ZNF214: variants seen among roughly 807,000 people sequenced by gnomAD.
ZNF214 encodes the protein zinc finger protein 214.
A neutral mutation model predicts 53.9 loss-of-function variants in ZNF214; 43 were observed. The observed-to-expected ratio is 0.80, with a 90% CI of 0.63 to 1.03. The LOEUF (loss-of-function observed/expected upper bound fraction) is 1.03. Among genes scored for constraint, ZNF214 ranks in the 50% least tolerant of loss-of-function variants. ZNF214 has a pLI of 0.00. For synonymous variants in ZNF214, 217 were observed against 229.5 expected (o/e 0.95, Z 0.49); for missense variants, 724 against 719.1 (o/e 1.01, Z -0.08).
chr11:7,001,742 T>G (rs1473234888), intron 2 of ZNF214, among the ~76,000 whole-genome samples, 187 bp from the exon 3 acceptor site: 1 of 152,010 alleles, frequency 6.6e-6, no homozygotes, highest in Non-Finnish European at 1.5e-5. Context: ...ATGTATGTAT[T>G]CATTCATTCA....
chr11:7,016,754 A>G (rs926286695), intron 1 of ZNF214, among the ~76,000 whole-genome samples: 15 of 152,168 alleles, frequency 9.9e-5, no homozygotes, highest in Non-Finnish European at 1.6e-4. Context: ...AGGAAGTAAA[A>G]AGAATGTTTA....
rs773221575 is a variant in ZNF214 at position 7,001,346 on chromosome 11, C to G, written c.337G>C (p.Val113Leu). 4 of 1,613,214 alleles carry G rather than the reference C, an allele frequency of 2.5e-6. No homozygotes were observed. The highest frequency in any genetic ancestry group is 2.2e-5 in the East Asian group (1 of 44,856). The change falls in exon 3 of 3, where the codon GTA becomes CTA. Residue 113 changes from valine to leucine, a missense_variant. Coordinates refer to ENST00000278314, the MANE Select transcript of ZNF214 (RefSeq NM_013249.4). ...CQEWLILSTQ[V>L]PGYGNYELTF... is the part of the protein sequence containing the mutation. ...AGTTCATAGTTCCCATACCCTGGTA[C>G]TTGTGTGGAGAGTATTAACCATTCC... is the stretch of plus-strand genomic sequence containing the variant.
intron 1 of ZNF214, among the ~76,000 whole-genome samples, chr11:7,017,425 T>C (rs952282786): frequency 6.6e-6 from 1 of 152,206 alleles, no homozygotes; most frequent in Admixed American, 6.5e-5. Context: ...AGAATATTTA[T>C]TATAAGATAT....
chr11:7,002,991 C>G, intron 1 of ZNF214, 136 bp from the exon 2 acceptor site: 1 of 712,432 alleles, frequency 1.4e-6, no homozygotes, highest in Non-Finnish European at 2.1e-6. Context: ...GAGGTAATAA[C>G]AATAGTAGTT....
rs913488168 is a variant in ZNF214, at chr11:6,997,764, G to C, written c.*2098C>G. 4.6e-5 allele frequency among the ~76,000 whole-genome samples: 7 copies of C among 151,814 alleles called. No individual in the cohort carries two copies. Among genetic ancestry groups the C allele is most frequent in the African/African-American group, 1.4e-4 (6 of 41,388 alleles). On this transcript the variant is annotated 3_prime_UTR_variant, in exon 3 of 3. Coordinates refer to ENST00000278314, the MANE Select transcript of ZNF214 (RefSeq NM_013249.4). ...AATTTCAAATGTATGAAATTTTAGT[G>C]TAAGTCCCATGCAATATTTGGGACA...
At position 7,000,886 on chromosome 11, in the gene ZNF214, GGA is replaced by G. The variant is rs1851325293; in HGVS notation, c.795_796del (p.Pro266LysfsTer6). ...CAGCTTCTTACCTATGTGGTTTCTT[GGA>G]TGTCTATACAAGTCTGATCTCTGAG... On this transcript the variant is annotated frameshift_variant, in exon 3 of 3. Transcript: ENST00000278314. LOFTEE classifies it high-confidence loss of function. 2 of 1,613,094 alleles carry G rather than the reference GGA, an allele frequency of 1.2e-6. No individual in the cohort carries two copies. The highest frequency in any genetic ancestry group is 4.5e-5 in the East Asian group (2 of 44,854).
rs142038859 is a variant in ZNF214, at chr11:7,000,289, G to A, written c.1394C>T (p.Thr465Ile). ...AGGACAAGTATAGGGTTTCTCCCCT[G>A]TATGGACTCTCTGATGAATGCGAAG... ...SDLRIHQRVHTGEKPYTCPEC... is the reference protein window; with the variant it reads ...SDLRIHQRVHIGEKPYTCPEC... The change falls in exon 3 of 3, where the codon ACA becomes ATA. Residue 465 changes from threonine to isoleucine, a missense_variant. Transcript: ENST00000278314. 5 of 1,613,306 alleles carry A rather than the reference G, an allele frequency of 3.1e-6. No homozygotes were observed. The highest frequency in any genetic ancestry group is 3.3e-5 in the Admixed American group (2 of 59,870).
intron 1 of ZNF214, among the ~76,000 whole-genome samples, chr11:7,017,447 A>T (rs1178577379): frequency 6.6e-6 from 1 of 152,216 alleles, no homozygotes; most frequent in Non-Finnish European, 1.5e-5. Flanking sequence ...TATAACAACA[A>T]CATATTGGGA....
chr11:7,003,290 A>T (rs1308273357), intron 1 of ZNF214, among the ~76,000 whole-genome samples: 3 of 152,024 alleles, frequency 2.0e-5, no homozygotes, highest in Non-Finnish European at 2.9e-5. Context: ...ATTTGATCAC[A>T]CATTCTCAAT....
In ZNF214 at chr11:6,998,053, ACT is replaced by A. The variant is rs1199696916; in HGVS notation, c.*1807_*1808del. On this transcript the variant is annotated 3_prime_UTR_variant, in exon 3 of 3. Coordinates refer to ENST00000278314, the MANE Select transcript of ZNF214 (RefSeq NM_013249.4). The stretch of plus-strand genomic sequence containing the variant: ...TCTCTTTAAGGCACATATACGCTAC[ACT>A]GTTTTCTTGCTTATCAAAAATATTT... Among the ~76,000 whole-genome samples, 4 of 151,932 alleles carry A rather than the reference ACT, an allele frequency of 2.6e-5. No homozygotes were observed. The highest frequency in any genetic ancestry group is 4.2e-4 in the South Asian group (2 of 4,810).
rs1851222750 is a variant in ZNF214 at position 6,997,805 on chromosome 11, A to T, written c.*2057T>A. Among the ~76,000 whole-genome samples the T allele has an allele frequency of 6.6e-6, 1 of 151,876 alleles. No homozygotes were observed. The highest frequency in any genetic ancestry group is 2.4e-5 in the African/African-American group (1 of 41,404). ...ATTTGGGACACCCTTATACTAAAAC[A>T]ATTATTCTTTGCTTATATGAAATTC... On this transcript the variant is annotated 3_prime_UTR_variant, in exon 3 of 3. Coordinates refer to ENST00000278314, the MANE Select transcript of ZNF214 (RefSeq NM_013249.4).
chr11:7,006,873 A>G (rs1346604875), intron 1 of ZNF214, among the ~76,000 whole-genome samples: 21 of 151,970 alleles, frequency 1.4e-4, no homozygotes, highest in Non-Finnish European at 4.4e-5. Context: ...ACACTTACCT[A>G]TTTTTCTAAT....
rs539498688 is a variant in ZNF214, at chr11:7,001,298, T to C, written c.385A>G (p.Arg129Gly). 18 of 1,613,280 alleles carry C rather than the reference T, an allele frequency of 1.1e-5. No individual in the cohort carries two copies. In the South Asian group the frequency reaches 2.0e-4, roughly 18 times the overall value. ...YELTFESKSL[R>G]NLKYKNFMPW... Reference sequence around the variant, plus strand: ...ATAAAATTTTTATATTTTAAGTTCCTGAGACTTTTGCTTTCAAAAGTCAGT... The same window carrying C: ...ATAAAATTTTTATATTTTAAGTTCCCGAGACTTTTGCTTTCAAAAGTCAGT... The change falls in exon 3 of 3, where the codon AGG becomes GGG. Residue 129 changes from arginine to glycine, a missense_variant. By Grantham distance (125) the Arg-to-Gly change is moderately radical (BLOSUM62 -2). Coordinates refer to ENST00000278314, the MANE Select transcript of ZNF214 (RefSeq NM_013249.4).
In ZNF214 at chr11:7,020,333, C is replaced by T. The variant is rs1851890592; in HGVS notation, c.-281G>A. 1 of 152,214 alleles carries T rather than the reference C, an allele frequency of 6.6e-6. No homozygotes were observed. Among genetic ancestry groups the T allele is most frequent in the Non-Finnish European group, 1.5e-5 (1 of 68,148 alleles). 9.4% of individuals were successfully genotyped at this position (152,214 alleles called of 1,614,324 possible). A position where few individuals can be genotyped will look rare whatever the true frequency, so the allele number is the denominator to read the frequency against. ...AAACAATGGCCGCAGCCCGGCTGGA[C>T]CGAAACGGAAGTCCCAGGTCTTGGA... is the stretch of plus-strand genomic sequence containing the variant. On this transcript the variant is annotated 5_prime_UTR_variant, in exon 1 of 3. Coordinates refer to ENST00000278314, the MANE Select transcript of ZNF214 (RefSeq NM_013249.4).
chr11:7,019,704 C>T (rs1024495166), intron 1 of ZNF214: 2 of 152,226 alleles, frequency 1.3e-5, no homozygotes, highest in African/African-American at 4.8e-5. Context: ...GGGCATGAGC[C>T]TTTGCCACCC....
At position 6,998,966 on chromosome 11, in the gene ZNF214, G is replaced by A. The variant is rs1209278798; in HGVS notation, c.*896C>T. ...TACATAATTAGCTTCAGGGTTCATCGTTGCACAGAGTTCTGAGTTCAATGC... is the reference window on the plus strand; with the variant it reads ...TACATAATTAGCTTCAGGGTTCATCATTGCACAGAGTTCTGAGTTCAATGC... On this transcript the variant is annotated 3_prime_UTR_variant, in exon 3 of 3. Coordinates refer to ENST00000278314, the MANE Select transcript of ZNF214 (RefSeq NM_013249.4). Among the ~76,000 whole-genome samples the A allele has an allele frequency of 7.9e-5, 12 of 151,884 alleles. No individual in the cohort carries two copies. Among genetic ancestry groups the A allele is most frequent in the Admixed American group, 6.6e-5 (1 of 15,218 alleles).
At chr11:7,001,658 G>T in intron 2 of ZNF214, 103 bp from the exon 3 acceptor site, 1 of 1,334,020 alleles carries the variant, frequency 7.5e-7, no homozygotes, top group Non-Finnish European at 1.0e-6. Context: ...TATATGTGTG[G>T]CTGGGGGTAG....
rs6578818 is a variant in ZNF214 at position 7,009,055 on chromosome 11, A to C, written c.-20-6200T>G. ...TTCCATCAAACTACCAATGACATTCATCACTGAATTAGAAAAAAAAAACTA... is the reference window on the plus strand; with the variant it reads ...TTCCATCAAACTACCAATGACATTCCTCACTGAATTAGAAAAAAAAAACTA... On this transcript the variant is annotated intron_variant, in intron 1 of 2. Coordinates refer to ENST00000278314, the MANE Select transcript of ZNF214 (RefSeq NM_013249.4). Among the ~76,000 whole-genome samples, 254 of 151,964 alleles carry C rather than the reference A, an allele frequency of 1.7e-3. 1 individual carries two copies. Among genetic ancestry groups the C allele is most frequent in the African/African-American group, 6.0e-3 (249 of 41,308 alleles).
At position 7,000,544 on chromosome 11, in the gene ZNF214, T is replaced by C. The variant is rs1224193881; in HGVS notation, c.1139A>G (p.His380Arg). The C allele has an allele frequency of 1.9e-6, 3 of 1,612,104 alleles. No individual in the cohort carries two copies. The highest frequency in any genetic ancestry group is 2.5e-6 in the Non-Finnish European group (3 of 1,179,148). ...ACACTTATATGGTTTTTCTCCTGTG[T>C]GGACTCTCTGATGAACATGAAGTAC... ...SSVLHVHQRV[H>R]TGEKPYKCDE... The change falls in exon 3 of 3, where the codon CAC becomes CGC. Residue 380 changes from histidine to arginine, a missense_variant. Physicochemically the swap from His to Arg is conservative, Grantham distance 29 (BLOSUM62 0). Transcript: ENST00000278314.
Sources: allele counts gnomAD v4.1 joint callset (sites outside exome capture counted in the v4.1 genomes callset), GRCh38; gene constraint gnomAD v4.1.1; transcripts MANE v1.5; gene names NCBI Gene and HGNC (gene_info 2026-07-23, HGNC 2026-07-21).